NRG3: variants seen among roughly 807,000 people sequenced by gnomAD.
NRG3 encodes the protein neuregulin 3.
Under a neutral mutation model 66.9 loss-of-function variants are expected in NRG3, and 31 were observed. The ratio of observed to expected loss-of-function variants is 0.46; its 90% CI spans 0.35 to 0.63. NRG3 has a LOEUF of 0.63. Ranked by LOEUF, NRG3 falls within the 20% of genes least tolerant of loss-of-function variation. NRG3 has a pLI of 0.00. For missense variants in NRG3, 910 were observed against 878.9 expected (o/e 1.04, Z -0.45); for synonymous variants, 393 against 359.4 (o/e 1.09, Z -1.06).
intron 2 of NRG3, among the ~76,000 whole-genome samples, chr10:82,434,392 A>G (rs536839793): frequency 6.6e-6 from 1 of 152,244 alleles, no homozygotes; most frequent in East Asian, 1.9e-4. Flanking sequence ...TGTTGTCCGC[A>G]AACAGGGACA....
At chr10:82,865,802 A>C (rs12771529) in intron 4 of NRG3, among the ~76,000 whole-genome samples, 10,269 of 152,196 alleles carry the variant, frequency 0.067, 511 homozygotes, top group Non-Finnish European at 0.1. Flanking sequence ...CATGGCAAAC[A>C]CTCAATAAAG....
intron 1 of NRG3, among the ~76,000 whole-genome samples, chr10:82,338,283 A>G (rs2082496406): frequency 6.6e-6 from 1 of 151,008 alleles, no homozygotes; most frequent in Non-Finnish European, 1.5e-5. Context: ...ATGTAATAGC[A>G]CATGAGAAAT....
intron 1 of NRG3, among the ~76,000 whole-genome samples, chr10:81,919,766 A>G (rs1012333065): frequency 1.3e-5 from 2 of 152,044 alleles, no homozygotes; most frequent in East Asian, 3.9e-4. Flanking sequence ...AAAATGAGAC[A>G]CCCATGAATG....
At chr10:82,245,026 A>G (rs1193372833) in intron 1 of NRG3, among the ~76,000 whole-genome samples, 1 of 152,148 alleles carries the variant, frequency 6.6e-6, no homozygotes, top group African/African-American at 2.4e-5. Flanking sequence ...CACCGCACCC[A>G]GCCAGTGCAT....
chr10:82,724,008 T>TAAAAAAA (rs1565242500), intron 2 of NRG3, among the ~76,000 whole-genome samples: 9 of 143,960 alleles, frequency 6.3e-5, no homozygotes, highest in African/African-American at 2.4e-4. Context: ...AAAAAAAATT[T>TAAAAAAA]AAAAAATAAA....
rs572247139 is a variant in NRG3 at position 82,636,422 on chromosome 10, A to C, written c.954-102155A>C. On this transcript the variant is annotated intron_variant, in intron 2 of 8. Transcript: ENST00000372141. ...CATTAGTTTGCAAGAAAAGTACAAG[A>C]CAAGCCAAGCCTGGAATGTCTTTTT... 4.8e-4 allele frequency among the ~76,000 whole-genome samples: 73 copies of C among 152,260 alleles called. 1 individual carries two copies. Among genetic ancestry groups the C allele is most frequent in the African/African-American group, 1.5e-3 (64 of 41,548 alleles).
intron 1 of NRG3, among the ~76,000 whole-genome samples, chr10:82,224,620 G>T (rs758570970): frequency 6.6e-6 from 1 of 152,254 alleles, no homozygotes; most frequent in South Asian, 2.1e-4. Flanking sequence ...CAAATATGAT[G>T]CAAGACATGA....
At chr10:81,988,963 T>G (rs1222320262) in intron 1 of NRG3, among the ~76,000 whole-genome samples, 4 of 151,760 alleles carry the variant, frequency 2.6e-5, no homozygotes, top group Non-Finnish European at 5.9e-5. Flanking sequence ...GGGAGGCCAG[T>G]TAGGAGACTG....
At chr10:82,905,807 A>C (rs1844681091) in intron 4 of NRG3, among the ~76,000 whole-genome samples, 1 of 152,038 alleles carries the variant, frequency 6.6e-6, no homozygotes, top group Non-Finnish European at 1.5e-5. Context: ...ACTTCTACTC[A>C]TCTGGATGCA....
At chr10:82,951,663 G>A in intron 5 of NRG3, 92 bp downstream of exon 5, 1 of 1,068,118 alleles carries the variant, frequency 9.4e-7, no homozygotes, top group Non-Finnish European at 1.4e-6. Context: ...CACACAGAGG[G>A]AACCTGTGGA....
At chr10:82,516,337 T>C (rs1845655117) in intron 2 of NRG3, among the ~76,000 whole-genome samples, 1 of 152,166 alleles carries the variant, frequency 6.6e-6, no homozygotes, top group Non-Finnish European at 1.5e-5. Context: ...TAGGACTTAC[T>C]GCAGCAGACC....
intron 1 of NRG3, among the ~76,000 whole-genome samples, chr10:82,178,084 A>G (rs1228473260): frequency 6.6e-6 from 1 of 152,170 alleles, no homozygotes; most frequent in Non-Finnish European, 1.5e-5. Context: ...GAAGACTTTT[A>G]AAATATTTTA....
At chr10:82,305,405 G>C (rs770690711) in intron 1 of NRG3, among the ~76,000 whole-genome samples, 2 of 151,858 alleles carry the variant, frequency 1.3e-5, no homozygotes, top group African/African-American at 4.8e-5. Context: ...TTTCCATATG[G>C]GTTTTAGAAT....
chr10:81,912,698 T>C (rs1205380623), intron 1 of NRG3, among the ~76,000 whole-genome samples: 1 of 152,174 alleles, frequency 6.6e-6, no homozygotes, highest in East Asian at 1.9e-4. Context: ...TCTGTTGTCA[T>C]GCTAAGAATG....
Position 82,410,450 on chromosome 10 carries a change from C to T in NRG3, c.953+51582C>T, listed in dbSNP as rs201231482. Among the ~76,000 whole-genome samples, 1,027 of 145,750 alleles carry T rather than the reference C, an allele frequency of 7.0e-3. 40 individuals carry two copies. The highest frequency in any genetic ancestry group is 0.059 in the Admixed American group (865 of 14,548). ...CACATACTGTATGAGTCCATATATACATATATATATATATGTATATATATA... is the reference window on the plus strand; with the variant it reads ...CACATACTGTATGAGTCCATATATATATATATATATATATGTATATATATA... On this transcript the variant is annotated intron_variant, in intron 2 of 8. Transcript: ENST00000372141.
At chr10:81,918,207 A>G (rs978070633) in intron 1 of NRG3, among the ~76,000 whole-genome samples, 2 of 152,158 alleles carry the variant, frequency 1.3e-5, no homozygotes, top group Non-Finnish European at 2.9e-5. Context: ...TTTTTCATCT[A>G]TATATTCCCC....
At chr10:82,313,690 T>C (rs1207304228) in intron 1 of NRG3, among the ~76,000 whole-genome samples, 1 of 152,158 alleles carries the variant, frequency 6.6e-6, no homozygotes, top group Non-Finnish European at 1.5e-5. Flanking sequence ...TGGGTTCTGG[T>C]TTCCAACTAT....
intron 2 of NRG3, among the ~76,000 whole-genome samples, chr10:82,636,813 G>T (rs1373285962): frequency 6.7e-6 from 1 of 149,376 alleles, no homozygotes; most frequent in Admixed American, 6.7e-5. Flanking sequence ...TCTCTTGTGG[G>T]CTGTGTGTGT....
In NRG3 at chr10:81,875,481, G is replaced by T. The variant is rs765399970; in HGVS notation, c.141G>T (p.Glu47Asp). 3.0e-6 allele frequency: 4 copies of T among 1,345,852 alleles called. No homozygotes were observed. Among genetic ancestry groups the T allele is most frequent in the Non-Finnish European group, 3.8e-6 (4 of 1,039,468 alleles). The allele number at this position is 1,345,852 out of a possible 1,614,324, so 83.4% of individuals were successfully genotyped here. The change falls in exon 1 of 9, where the codon GAG becomes GAT. Residue 47 changes from glutamate to aspartate, a missense_variant. Glu to Asp is a conservative substitution (Grantham distance 45). Transcript: ENST00000372141. This position sits in a 1 kb window ranked among gnomAD's most constrained non-coding sequence, Gnocchi z 5.3. ...ACGGCGGCGGCGAAGGGGCGGCCGA[G>T]CCCCCCCGGGAGTTACGCTGTAGCG... Reference protein sequence around the residue: ...GPDGGGEGAAEPPRELRCSDC... With the variant: ...GPDGGGEGAADPPRELRCSDC...
Sources: gnomAD v4.1 joint callset for allele counts (sites outside exome capture counted in the v4.1 genomes callset) on GRCh38, gnomAD v4.1.1 for gene constraint, Gnocchi (gnomAD v3.1) non-coding constraint, MANE v1.5 for transcripts, NCBI Gene and HGNC (gene_info 2026-07-23, HGNC 2026-07-21) for gene names.